The following PHKB variants were observed in gnomAD, a reference collection of about 807,000 sequenced individuals.
PHKB encodes the protein phosphorylase b kinase regulatory subunit beta.
In PHKB, 122 loss-of-function variants were observed where a neutral mutation model predicts 152.1. The ratio of observed to expected loss-of-function variants is 0.80; its 90% CI spans 0.69 to 0.93. The LOEUF (loss-of-function observed/expected upper bound fraction) is 0.93. PHKB is among the 40% of genes least tolerant of loss of function. The pLI, the probability that PHKB is intolerant of heterozygous loss-of-function variation, is 0.00. For synonymous variants in PHKB, 436 were observed against 464.9 expected (o/e 0.94, Z 0.80); for missense variants, 1,304 against 1,328.4 (o/e 0.98, Z 0.29).
At chr16:47,643,349 A>G (rs1031209755) in intron 16 of PHKB, among the ~76,000 whole-genome samples, 2 of 152,242 alleles carry the variant, frequency 1.3e-5, no homozygotes, top group African/African-American at 4.8e-5. Flanking sequence ...GTTCACTTTG[A>G]TAACTGTTAT....
chr16:47,618,355 C>T (rs886448085), intron 14 of PHKB, among the ~76,000 whole-genome samples: 2 of 152,020 alleles, frequency 1.3e-5, no homozygotes, highest in African/African-American at 4.8e-5. Context: ...GAACTGAGAG[C>T]ATATGTGCAC....
At chr16:47,482,241 T>C (rs551142084) in intron 1 of PHKB, among the ~76,000 whole-genome samples, 5 of 152,364 alleles carry the variant, frequency 3.3e-5, no homozygotes, top group African/African-American at 7.2e-5. Flanking sequence ...GAAAGGCTAA[T>C]GCCATCTCTT....
intron 26 of PHKB, among the ~76,000 whole-genome samples, chr16:47,681,042 A>C (rs910525100): frequency 6.6e-6 from 1 of 152,210 alleles, no homozygotes; most frequent in Non-Finnish European, 1.5e-5. Context: ...GTAGTCATTC[A>C]GGAGCAGGTT....
At chr16:47,572,549 T>A (rs1971679425) in intron 7 of PHKB, among the ~76,000 whole-genome samples, 1 of 152,154 alleles carries the variant, frequency 6.6e-6, no homozygotes, top group Non-Finnish European at 1.5e-5. Context: ...GTCTGCGGAA[T>A]GTGTAATGGT....
intron 14 of PHKB, among the ~76,000 whole-genome samples, chr16:47,640,643 T>C (rs544956096): frequency 6.6e-6 from 1 of 152,346 alleles, no homozygotes; most frequent in East Asian, 1.9e-4. Context: ...TGAACAATTT[T>C]AACTATCATT....
chr16:47,502,080 T>C (rs1049766274), intron 3 of PHKB, among the ~76,000 whole-genome samples: 1 of 152,234 alleles, frequency 6.6e-6, no homozygotes, highest in Non-Finnish European at 1.5e-5. Context: ...GAATGGTATA[T>C]GCAATCTATG....
chr16:47,660,310 C>A (rs1284712844), intron 20 of PHKB, among the ~76,000 whole-genome samples, 196 bp from the exon 21 acceptor site: 1 of 151,938 alleles, frequency 6.6e-6, no homozygotes, highest in East Asian at 1.9e-4. Context: ...TGTGTATATT[C>A]TATTTTAGGG....
intron 16 of PHKB, among the ~76,000 whole-genome samples, chr16:47,643,116 A>G (rs1973054856): frequency 6.6e-6 from 1 of 152,228 alleles, no homozygotes; most frequent in African/African-American, 2.4e-5. Flanking sequence ...TTAGCAACTT[A>G]TTTTAATAGT....
chr16:47,528,157 A>G (rs897272038), intron 6 of PHKB, among the ~76,000 whole-genome samples: 2 of 152,166 alleles, frequency 1.3e-5, no homozygotes, highest in African/African-American at 4.8e-5. Flanking sequence ...TTTAATTTAA[A>G]TTCTCCCTAA....
intron 1 of PHKB, among the ~76,000 whole-genome samples, chr16:47,464,770 C>G (rs1016023176): frequency 3.9e-5 from 6 of 152,144 alleles, no homozygotes; most frequent in South Asian, 4.1e-4. Context: ...ATTTACAGCC[C>G]TTTTCTGTAG....
chr16:47,521,238 T>G (rs538386074), intron 6 of PHKB, among the ~76,000 whole-genome samples: 27 of 152,308 alleles, frequency 1.8e-4, no homozygotes, highest in African/African-American at 6.0e-4. Flanking sequence ...CTTTTAAATC[T>G]TTTTCTTACC....
intron 25 of PHKB, among the ~76,000 whole-genome samples, chr16:47,666,389 C>T (rs1973539777): frequency 6.6e-6 from 1 of 152,208 alleles, no homozygotes; most frequent in Non-Finnish European, 1.5e-5. Context: ...TTCCCTTCTG[C>T]TCCACATGAG....
intron 7 of PHKB, chr16:47,566,413 C>G (rs1971567837): frequency 1.1e-5 from 17 of 1,606,404 alleles, no homozygotes; most frequent in Non-Finnish European, 1.4e-5. Context: ...CTCCTGTTAC[C>G]TAGAGACTCT....
At chr16:47,623,305 T>C (rs567913316) in intron 14 of PHKB, among the ~76,000 whole-genome samples, 128 of 152,206 alleles carry the variant, frequency 8.4e-4, no homozygotes, top group Middle Eastern at 3.4e-3. Context: ...GAAAAAATCC[T>C]AAAAAGTCTA....
intron 20 of PHKB, among the ~76,000 whole-genome samples, chr16:47,651,962 A>G (rs1365111276): frequency 2.0e-5 from 3 of 151,946 alleles, no homozygotes; most frequent in African/African-American, 7.3e-5. Flanking sequence ...TTCATTTTTC[A>G]TAGTATTCTG....
intron 24 of PHKB, chr16:47,664,030 A>C (rs1453811882): frequency 2.5e-6 from 1 of 393,860 alleles, no homozygotes; most frequent in Non-Finnish European, 4.6e-6. Context: ...AGGTGCTTTA[A>C]GTTCTGTTTT....
intron 20 of PHKB, among the ~76,000 whole-genome samples, chr16:47,659,786 A>G (rs1973405287): frequency 6.6e-6 from 1 of 152,246 alleles, no homozygotes; most frequent in South Asian, 2.1e-4. Context: ...AGCAGAATCC[A>G]CAGTGCAATT....
At chr16:47,517,125 A>C (rs996364247) in intron 6 of PHKB, among the ~76,000 whole-genome samples, 1 of 152,100 alleles carries the variant, frequency 6.6e-6, no homozygotes, top group African/African-American at 2.4e-5. Flanking sequence ...TTAGCTTCTC[A>C]ATTTTTCCAC....
intron 20 of PHKB, among the ~76,000 whole-genome samples, chr16:47,652,952 C>A (rs1371084508): frequency 1.3e-5 from 2 of 151,354 alleles, no homozygotes; most frequent in Non-Finnish European, 2.9e-5. Context: ...CTCATTGTGG[C>A]TTTGATTCGC....
Sources: gnomAD v4.1 joint callset for allele counts (sites outside exome capture counted in the v4.1 genomes callset) on GRCh38, gnomAD v4.1.1 for gene constraint, MANE v1.5 for transcripts, NCBI Gene and HGNC (gene_info 2026-07-23, HGNC 2026-07-21) for gene names.